Variants in SOX5 observed in about 807,000 individuals in gnomAD.
The protein encoded by SOX5 is transcription factor SOX-5.
SOX5 carries 9 observed loss-of-function variants against 92.0 expected under a neutral mutation model. The observed-to-expected ratio is 0.10, with a 90% CI of 0.06 to 0.17. The LOEUF (loss-of-function observed/expected upper bound fraction) is 0.17, where lower values mean the gene tolerates loss of function less well. Ranked by LOEUF, SOX5 falls within the 10% of genes least tolerant of loss-of-function variation. The probability of loss-of-function intolerance (pLI) is 1.00; values close to 1 mark genes in which losing one functional copy is unlikely to be tolerated. For missense variants in SOX5, 642 were observed against 944.5 expected (o/e 0.68, Z 4.20); for synonymous variants, 344 against 336.3 (o/e 1.02, Z -0.25).
chr12:24,520,683 T>C (rs1413263796), intron 1 of SOX5, among the ~76,000 whole-genome samples: 1 of 151,980 alleles, frequency 6.6e-6, no homozygotes, highest in Non-Finnish European at 1.5e-5. Context: ...AATTCACCAA[T>C]GAAAAGGCAC....
At chr12:23,699,482 T>G (rs914908513) in intron 6 of SOX5, among the ~76,000 whole-genome samples, 1 of 152,224 alleles carries the variant, frequency 6.6e-6, no homozygotes, top group Non-Finnish European at 1.5e-5. Context: ...TTAGTTATCT[T>G]TCAAATATTT....
intron 1 of SOX5, among the ~76,000 whole-genome samples, chr12:24,544,771 A>C (rs1423639950): frequency 6.6e-6 from 1 of 152,214 alleles, no homozygotes; most frequent in Non-Finnish European, 1.5e-5. Flanking sequence ...TGTCAAACCC[A>C]TTAAATTGCC....
At chr12:24,266,033 AATGTGTGTGTGTGT>A (rs1942957349) in intron 3 of SOX5, among the ~76,000 whole-genome samples, 2 of 114,104 alleles carry the variant, frequency 1.8e-5, no homozygotes, top group Non-Finnish European at 3.5e-5. Context: ...CATGCCAGCT[AATGTGTGTGTGTGT>A]GTGTGTGTGT....
intron 4 of SOX5, among the ~76,000 whole-genome samples, chr12:24,139,898 T>C (rs1411453243): frequency 6.6e-6 from 1 of 152,066 alleles, no homozygotes; most frequent in African/African-American, 2.4e-5. Flanking sequence ...ATACTTTCCT[T>C]AGGATATACG....
At chr12:23,830,590 A>G (rs941672445) in intron 3 of SOX5, among the ~76,000 whole-genome samples, 1 of 152,150 alleles carries the variant, frequency 6.6e-6, no homozygotes, top group African/African-American at 2.4e-5. Flanking sequence ...CAATTAAAGT[A>G]TCTTTAGGCT....
At chr12:23,884,832 T>C (rs2097045503) in intron 2 of SOX5, among the ~76,000 whole-genome samples, 1 of 152,200 alleles carries the variant, frequency 6.6e-6, no homozygotes, top group African/African-American at 2.4e-5. Flanking sequence ...ATAATCAATG[T>C]AGGGTGGCTG....
rs201088438 is a variant in SOX5 at position 24,122,841 on chromosome 12, G to GA, written c.-2+90501dup. On this transcript the variant is annotated intron_variant, in intron 4 of 4. Transcript: ENST00000446891. ...TAGAGGTCAGCAGAACATAACTACA[G>GA]AAAAAAAATGTTTGAAGGACACAAT... Among the ~76,000 whole-genome samples the GA allele has an allele frequency of 6.1e-3, 931 of 152,006 alleles. 8 individuals are homozygous for GA. The highest frequency in any genetic ancestry group is 0.034 in the South Asian group (163 of 4,816).
chr12:23,991,348 A>AAT lies in SOX5; in HGVS notation c.-1-95326_-1-95325dup, dbSNP rs1454569278. The stretch of plus-strand genomic sequence containing the variant: ...AAAAAAAAACAACAACAACAAAAAA[A>AAT]ATATATATATATATACCACATATCA... On this transcript the variant is annotated intron_variant, in intron 4 of 4. Transcript: ENST00000446891. 2.7e-4 allele frequency among the ~76,000 whole-genome samples: 40 copies of AAT among 148,752 alleles called. 1 individual carries two copies. In the East Asian group the frequency reaches 7.4e-3, roughly 27 times the overall value.
chr12:24,309,659 T>C (rs1487368172), intron 2 of SOX5, among the ~76,000 whole-genome samples: 1 of 152,184 alleles, frequency 6.6e-6, no homozygotes, highest in Non-Finnish European at 1.5e-5. Context: ...GGGTAGCTTA[T>C]TTGGAAATAT....
At chr12:24,229,480 A>C (rs889709780) in intron 3 of SOX5, among the ~76,000 whole-genome samples, 9 of 152,184 alleles carry the variant, frequency 5.9e-5, no homozygotes, top group Non-Finnish European at 1.3e-4. Flanking sequence ...AACCATGGTC[A>C]GGAAAAGCAG....
At chr12:24,395,774 C>A (rs1289701467) in intron 1 of SOX5, among the ~76,000 whole-genome samples, 2 of 152,066 alleles carry the variant, frequency 1.3e-5, no homozygotes, top group Non-Finnish European at 1.5e-5. Flanking sequence ...CTTGTCACAC[C>A]CCTGCTTCTA....
intron 4 of SOX5, 75 bp from the exon 5 acceptor site, chr12:23,741,114 G>GTA (rs780463397): frequency 1.3e-5 from 14 of 1,117,824 alleles, no homozygotes; most frequent in Non-Finnish European, 1.7e-5. Flanking sequence ...TGGCTCTGTT[G>GTA]TATACAGAGC....
intron 4 of SOX5, among the ~76,000 whole-genome samples, chr12:24,093,410 C>T (rs1053265794): frequency 2.6e-5 from 4 of 151,866 alleles, no homozygotes; most frequent in Non-Finnish European, 5.9e-5. Flanking sequence ...GTAGTCCCAA[C>T]TACTCGGGAA....
At chr12:24,504,976 A>C (rs1459368005) in intron 1 of SOX5, among the ~76,000 whole-genome samples, 1 of 152,204 alleles carries the variant, frequency 6.6e-6, no homozygotes, top group African/African-American at 2.4e-5. Flanking sequence ...TGGGGTTTGC[A>C]ATTTTGCATG....
intron 2 of SOX5, among the ~76,000 whole-genome samples, chr12:24,304,299 A>G (rs1406294010): frequency 6.6e-6 from 1 of 152,206 alleles, no homozygotes; most frequent in African/African-American, 2.4e-5. Context: ...AATATCGGAT[A>G]TGTTGGGTAG....
intron 9 of SOX5, among the ~76,000 whole-genome samples, chr12:23,587,907 T>G (rs367948666): frequency 6.6e-6 from 1 of 152,080 alleles, no homozygotes; most frequent in African/African-American, 2.4e-5. Flanking sequence ...ATCCCAGGTT[T>G]ATTTCAAATG....
At chr12:24,212,692 A>G (rs1445948487) in intron 4 of SOX5, among the ~76,000 whole-genome samples, 1 of 152,240 alleles carries the variant, frequency 6.6e-6, no homozygotes, top group Non-Finnish European at 1.5e-5. Flanking sequence ...GCTCTAGCTT[A>G]CTGAGAAACG....
chr12:23,686,189 A>G (rs1343415562), intron 6 of SOX5, among the ~76,000 whole-genome samples: 1 of 152,192 alleles, frequency 6.6e-6, no homozygotes, highest in Non-Finnish European at 1.5e-5. Flanking sequence ...TTGAATGAAT[A>G]TAACTCAATT....
intron 9 of SOX5, among the ~76,000 whole-genome samples, chr12:23,598,236 T>C (rs764231887): frequency 1.3e-5 from 2 of 152,106 alleles, no homozygotes; most frequent in Non-Finnish European, 2.9e-5. Context: ...TTTCACATGG[T>C]CAGATGAAAT....
Sources: allele counts gnomAD v4.1 joint callset (sites outside exome capture counted in the v4.1 genomes callset), GRCh38; gene constraint gnomAD v4.1.1; transcripts MANE v1.5; gene names NCBI Gene and HGNC (gene_info 2026-07-23, HGNC 2026-07-21).